Variants in LDAF1 observed in about 807,000 individuals in gnomAD.
LDAF1 encodes PROMETHIN.
LDAF1 carries 7 observed loss-of-function variants against 13.5 expected under a neutral mutation model. The ratio of observed to expected loss-of-function variants is 0.52; its 90% CI spans 0.29 to 0.97. The LOEUF (loss-of-function observed/expected upper bound fraction) is 0.97. LDAF1 is among the 50% of genes least tolerant of loss of function. The pLI, the probability that LDAF1 is intolerant of heterozygous loss-of-function variation, is 0.07. For synonymous variants in LDAF1, 69 were observed against 77.1 expected, an observed-to-expected ratio of 0.89 and a Z score of 0.55; for missense variants, 148 against 193.2, an observed-to-expected ratio of 0.77 and a Z score of 1.39.
intron 2 of LDAF1, among the ~76,000 whole-genome samples, chr16:21,170,030 G>T (rs1051931739): frequency 2.0e-5 from 3 of 151,204 alleles, no homozygotes; most frequent in African/African-American, 7.3e-5. Flanking sequence ...TTGGCTCACT[G>T]CAACCTCTGC....
At chr16:21,174,268 C>T (rs906411669) in intron 4 of LDAF1, 120 bp downstream of exon 4, 7 of 885,312 alleles carry the variant, frequency 7.9e-6, no homozygotes, top group Admixed American at 3.0e-5. Context: ...TAGCTCGCTA[C>T]AGCCTCAACC....
chr16:21,176,459 A>G (rs1191879698), intron 4 of LDAF1, among the ~76,000 whole-genome samples: 4 of 152,200 alleles, frequency 2.6e-5, no homozygotes, highest in Admixed American at 2.6e-4. Context: ...CCTAGGCAAC[A>G]TGGCAAGACC....
chr16:21,170,195 G>A, intron 2 of LDAF1: 1 of 429,314 alleles, frequency 2.3e-6, no homozygotes, highest in South Asian at 9.9e-5. Context: ...AGAGACGGGG[G>A]TTTCATCATG....
intron 3 of LDAF1, among the ~76,000 whole-genome samples, chr16:21,173,547 C>T (rs1348516763): frequency 1.3e-5 from 2 of 152,042 alleles, no homozygotes; most frequent in South Asian, 4.2e-4. Flanking sequence ...AACCCCATCT[C>T]CTCTAAAAAT....
At chr16:21,177,178 C>T (rs898477845) in intron 4 of LDAF1, 1 of 152,284 alleles carries the variant, frequency 6.6e-6, no homozygotes, top group African/African-American at 2.4e-5. Context: ...GCCGGCTTCT[C>T]GTTTGTGTGG....
intron 1 of LDAF1, chr16:21,159,854 CT>C: frequency 1.0e-6 from 1 of 958,980 alleles, no homozygotes; most frequent in Non-Finnish European, 1.2e-6. Flanking sequence ...CCGCTTGTTT[CT>C]GCTTGCTGCA....
intron 2 of LDAF1, among the ~76,000 whole-genome samples, chr16:21,170,052 G>T (rs2093071267): frequency 6.6e-6 from 1 of 151,996 alleles, no homozygotes; most frequent in South Asian, 2.1e-4. Context: ...TCCCAGGCTG[G>T]AGTGCAATGG....
chr16:21,161,339 T>A (rs1361014283), intron 2 of LDAF1, 61 bp downstream of exon 2: 5 of 1,558,224 alleles, frequency 3.2e-6, no homozygotes, highest in African/African-American at 1.4e-5. Context: ...ATAAACAAGA[T>A]AGAAAGTTAT....
chr16:21,169,112 ATAATGCTTT>A, intron 2 of LDAF1: 1 of 925,568 alleles, frequency 1.1e-6, no homozygotes, highest in African/African-American at 1.8e-5. Context: ...TTTAATAATA[ATAATGCTTT>A]TAATGCTTAA....
At chr16:21,172,550 C>A (rs1597557124) in intron 3 of LDAF1, among the ~76,000 whole-genome samples, 1 of 152,108 alleles carries the variant, frequency 6.6e-6, no homozygotes, top group Non-Finnish European at 1.5e-5. Flanking sequence ...TCGCTTGAGC[C>A]CAGGCAGTTG....
chr16:21,180,087 C>G lies in LDAF1; in HGVS notation c.*531C>G. 1 of 155,476 alleles carries G rather than the reference C, an allele frequency of 6.4e-6. No homozygotes were observed. Among genetic ancestry groups the G allele is most frequent in the Non-Finnish European group, 1.4e-5 (1 of 70,158 alleles). 9.6% of individuals were successfully genotyped at this position (155,476 alleles called of 1,614,324 possible). A position where few individuals can be genotyped will look rare whatever the true frequency, so the allele number is the denominator to read the frequency against. ...TAGAGTCCAAATGTAACTTTGTGGC[C>G]AAGAGTATTTTCAAAAAAGTCTAAA... On this transcript the variant is annotated 3_prime_UTR_variant, in exon 5 of 5. Coordinates refer to ENST00000233047, the MANE Select transcript of LDAF1 (RefSeq NM_001301771.2).
Position 21,178,128 on chromosome 16 carries a change from A to G in LDAF1, c.405-1347A>G, listed in dbSNP as rs147010509. ...AAGTTTCCCTTACATATGAAACCCA[A>G]CTAAACAATATTTAGATCAAATACA... On this transcript the variant is annotated intron_variant, in intron 4 of 4. Coordinates refer to ENST00000233047, the MANE Select transcript of LDAF1 (RefSeq NM_001301771.2). The G allele has an allele frequency of 4.8e-6, 4 of 835,828 alleles. No individual in the cohort carries two copies. The African/African-American group carries it at 7.4e-5, about 15-fold the overall frequency. The allele number at this position is 835,828 out of a possible 1,614,324, so 51.8% of individuals were successfully genotyped here. A position where few individuals can be genotyped will look rare whatever the true frequency, so the allele number is the denominator to read the frequency against.
intron 2 of LDAF1, among the ~76,000 whole-genome samples, chr16:21,169,432 C>T (rs1252504550): frequency 1.3e-5 from 2 of 152,096 alleles, no homozygotes; most frequent in African/African-American, 4.8e-5. Flanking sequence ...CCTCAGCCTC[C>T]CAAGTAGCTA....
At chr16:21,172,808 A>T (rs2093102260) in intron 3 of LDAF1, 17 of 985,346 alleles carry the variant, frequency 1.7e-5, no homozygotes, top group Non-Finnish European at 1.9e-5. Context: ...AAATTTTGCG[A>T]ATCTTTATGA....
chr16:21,179,624 C>A lies in LDAF1; in HGVS notation c.*68C>A. The A allele has an allele frequency of 1.4e-6, 2 of 1,436,522 alleles. No homozygotes were observed. The highest frequency in any genetic ancestry group is 1.9e-6 in the Non-Finnish European group (2 of 1,037,586). The allele number at this position is 1,436,522 out of a possible 1,614,324, so 89.0% of individuals were successfully genotyped here. ...TCATACTCACCCCTTGGGATTATGG[C>A]TTAGAAGAAGGGGGCTGGGTAGGCA... is the stretch of plus-strand genomic sequence containing the variant. On this transcript the variant is annotated 3_prime_UTR_variant, in exon 5 of 5. Coordinates refer to ENST00000233047, the MANE Select transcript of LDAF1 (RefSeq NM_001301771.2).
intron 1 of LDAF1, chr16:21,159,398 G>A (rs765766532): frequency 1.2e-6 from 2 of 1,614,110 alleles, no homozygotes; most frequent in Non-Finnish European, 1.7e-6. Flanking sequence ...GCCCGGATGG[G>A]GAGGGGCGGC....
intron 2 of LDAF1, among the ~76,000 whole-genome samples, chr16:21,161,709 A>C (rs2092976537): frequency 6.6e-6 from 1 of 152,106 alleles, no homozygotes; most frequent in South Asian, 2.1e-4. Context: ...ATTTTGCCCT[A>C]TCTGTTACCC....
chr16:21,159,554 G>T, intron 1 of LDAF1: 1 of 1,042,714 alleles, frequency 9.6e-7, no homozygotes. Flanking sequence ...CCTTGGAAGG[G>T]GAAAGGGTTA....
chr16:21,173,971 T>TGC, intron 3 of LDAF1, 39 bp from the exon 4 acceptor site: 1 of 1,594,562 alleles, frequency 6.3e-7, no homozygotes, highest in East Asian at 2.3e-5. Context: ...TTCAACCTGT[T>TGC]TGAGATGAAC....
Sources: allele counts gnomAD v4.1 joint callset (sites outside exome capture counted in the v4.1 genomes callset), GRCh38; gene constraint gnomAD v4.1.1; transcripts MANE v1.5; gene names NCBI Gene and HGNC (gene_info 2026-07-23, HGNC 2026-07-21).